Variants in WBP1L observed in about 807,000 individuals in gnomAD.
WBP1L encodes the protein WW domain binding protein 1-like.
In WBP1L, 17 loss-of-function variants were observed where a neutral mutation model predicts 33.7. The ratio of observed to expected loss-of-function variants is 0.50; its 90% CI spans 0.34 to 0.76. The LOEUF (loss-of-function observed/expected upper bound fraction) is 0.76. Among genes scored for constraint, WBP1L ranks in the 30% least tolerant of loss-of-function variants. The pLI is 0.01. For synonymous variants in WBP1L, 173 were observed against 190.8 expected (o/e 0.91, Z 0.77); for missense variants, 389 against 469.4 (o/e 0.83, Z 1.58).
At chr10:102,800,032 T>G (rs1412968940) in intron 2 of WBP1L, among the ~76,000 whole-genome samples, 1 of 152,182 alleles carries the variant, frequency 6.6e-6, no homozygotes, top group Non-Finnish European at 1.5e-5. Flanking sequence ...CCACCAGACC[T>G]GCAGATATAT....
intron 1 of WBP1L, among the ~76,000 whole-genome samples, chr10:102,762,528 A>C (rs879783344): frequency 3.9e-5 from 6 of 152,204 alleles, no homozygotes; most frequent in Admixed American, 2.0e-4. Flanking sequence ...TTACTTGAAC[A>C]GGTCTAGTAG....
At chr10:102,747,833 A>G (rs1564751531) in intron 1 of WBP1L, among the ~76,000 whole-genome samples, 1 of 152,146 alleles carries the variant, frequency 6.6e-6, no homozygotes, top group African/African-American at 2.4e-5. Context: ...CAGCCTAAAC[A>G]GAATATTTGA....
chr10:102,757,680 G>A (rs1298228583), intron 1 of WBP1L, among the ~76,000 whole-genome samples: 1 of 145,064 alleles, frequency 6.9e-6, no homozygotes. Flanking sequence ...GAGTTCTAGC[G>A]ATCATCCCAC....
At chr10:102,806,388 CAG>C (rs571318564) in intron 2 of WBP1L, among the ~76,000 whole-genome samples, 197 of 152,256 alleles carry the variant, frequency 1.3e-3, no homozygotes, top group African/African-American at 4.4e-3. Context: ...GGTTCTTAAG[CAG>C]AGTGTCCACC....
chr10:102,747,633 C>G (rs906067697), intron 1 of WBP1L, among the ~76,000 whole-genome samples: 2 of 151,980 alleles, frequency 1.3e-5, no homozygotes, highest in Non-Finnish European at 2.9e-5. Flanking sequence ...CTCAAACGAG[C>G]CTCCCACCTC....
intron 1 of WBP1L, among the ~76,000 whole-genome samples, chr10:102,795,179 T>C (rs1260864315): frequency 6.6e-6 from 1 of 152,258 alleles, no homozygotes; most frequent in Non-Finnish European, 1.5e-5. Context: ...AATACTTTAT[T>C]GTAAAATAAT....
intron 1 of WBP1L, among the ~76,000 whole-genome samples, chr10:102,775,101 G>A (rs1265411360): frequency 8.1e-6 from 1 of 122,726 alleles, no homozygotes; most frequent in African/African-American, 3.1e-5. Flanking sequence ...CTGGGTAACA[G>A]AGTGAGACCC....
chr10:102,810,787 G>A (rs796955648), intron 3 of WBP1L, among the ~76,000 whole-genome samples: 17 of 151,542 alleles, frequency 1.1e-4, no homozygotes, highest in African/African-American at 3.9e-4. Context: ...GGCTGGCCTC[G>A]AACTCCTGAC....
intron 1 of WBP1L, among the ~76,000 whole-genome samples, chr10:102,790,591 A>G (rs925049516): frequency 3.3e-5 from 5 of 151,892 alleles, no homozygotes; most frequent in African/African-American, 1.2e-4. Context: ...GCTCACTGCA[A>G]CCTCTGCCTC....
intron 1 of WBP1L, among the ~76,000 whole-genome samples, chr10:102,775,567 G>A (rs1353076504): frequency 6.6e-6 from 1 of 152,192 alleles, no homozygotes; most frequent in Admixed American, 6.5e-5. Context: ...AAAGATGTTG[G>A]CACCTGTACT....
At chr10:102,787,417 T>C (rs1843430768) in intron 1 of WBP1L, among the ~76,000 whole-genome samples, 1 of 152,036 alleles carries the variant, frequency 6.6e-6, no homozygotes, top group Non-Finnish European at 1.5e-5. Flanking sequence ...TGAGATCCTG[T>C]CTCTACAACC....
chr10:102,810,296 G>T (rs1342294419), intron 3 of WBP1L, among the ~76,000 whole-genome samples: 1 of 152,114 alleles, frequency 6.6e-6, no homozygotes, highest in African/African-American at 2.4e-5. Flanking sequence ...ACAGTGGCTG[G>T]GTTCTGGCTG....
chr10:102,797,393 A>G (rs1374718998), intron 1 of WBP1L, among the ~76,000 whole-genome samples: 1 of 152,190 alleles, frequency 6.6e-6, no homozygotes, highest in East Asian at 1.9e-4. Flanking sequence ...ACTTGGACCT[A>G]AAGTGAGGCA....
chr10:102,757,872 GCCCTC>G (rs1255880603), intron 1 of WBP1L, among the ~76,000 whole-genome samples: 45 of 34,228 alleles, frequency 1.3e-3, no homozygotes, highest in Non-Finnish European at 2.4e-3. Flanking sequence ...CACTGTACCT[GCCCTC>G]CCCCCCCCCC....
intron 1 of WBP1L, among the ~76,000 whole-genome samples, chr10:102,768,126 A>G (rs1843135950): frequency 1.3e-5 from 2 of 152,106 alleles, no homozygotes; most frequent in African/African-American, 2.4e-5. Flanking sequence ...GCTGACATGC[A>G]TTGGCATGAT....
chr10:102,757,257 T>A (rs1842987256), intron 1 of WBP1L, among the ~76,000 whole-genome samples: 1 of 152,176 alleles, frequency 6.6e-6, no homozygotes, highest in East Asian at 1.9e-4. Flanking sequence ...ATTCCTGGCC[T>A]CAAGTGCTTC....
rs371773662 is a variant in WBP1L at position 102,779,923 on chromosome 10, C to T, written c.91-18070C>T. ...CATGTGAGTTGGGGAAAGAGCATTC[C>T]GGACAGATCAGGTTGGGAGAGTTGT... On this transcript the variant is annotated intron_variant, in intron 1 of 3. Transcript: ENST00000448841. Among the ~76,000 whole-genome samples the T allele has an allele frequency of 2.2e-4, 33 of 152,112 alleles. 1 individual carries two copies. Among genetic ancestry groups the T allele is most frequent in the South Asian group, 6.2e-4 (3 of 4,808 alleles).
At chr10:102,771,810 G>GA (rs58113573) in intron 1 of WBP1L, among the ~76,000 whole-genome samples, 105 of 138,846 alleles carry the variant, frequency 7.6e-4, no homozygotes, top group Middle Eastern at 3.6e-3. Context: ...TCTGTCTCAA[G>GA]AAAAAAAAAA....
intron 2 of WBP1L, among the ~76,000 whole-genome samples, chr10:102,801,811 C>T (rs895534252): frequency 6.6e-6 from 1 of 152,002 alleles, no homozygotes; most frequent in Admixed American, 6.6e-5. Context: ...CTGCCCAACT[C>T]GTTTTTCATT....
Sources: gnomAD v4.1 joint callset for allele counts (sites outside exome capture counted in the v4.1 genomes callset) on GRCh38, gnomAD v4.1.1 for gene constraint, MANE v1.5 for transcripts, NCBI Gene and HGNC (gene_info 2026-07-23, HGNC 2026-07-21) for gene names.